IGSF3: variants seen among roughly 807,000 people sequenced by gnomAD.
The protein encoded by IGSF3 is glu-Trp-Ile EWI motif-containing protein 3.
Under a neutral mutation model 114.4 loss-of-function variants are expected in IGSF3, and 23 were observed. That is an observed-to-expected ratio of 0.20 (90% CI 0.14 to 0.28). IGSF3 has a LOEUF of 0.28. Ranked by LOEUF, IGSF3 falls within the 10% of genes least tolerant of loss-of-function variation. The pLI, the probability that IGSF3 is intolerant of heterozygous loss-of-function variation, is 1.00. For missense variants in IGSF3, 1,172 were observed against 1,591.5 expected (o/e 0.74, Z 4.48); for synonymous variants, 571 against 645.2 (o/e 0.88, Z 1.74).
rs1387436601 is a variant in IGSF3, at chr1:116,657,231, G to A, written c.43+9053C>T. 4.6e-5 allele frequency among the ~76,000 whole-genome samples: 7 copies of A among 152,180 alleles called. No individual in the cohort carries two copies. The highest frequency in any genetic ancestry group is 8.8e-5 in the Non-Finnish European group (6 of 68,024). On this transcript the variant is annotated intron_variant, in intron 2 of 10. Transcript: ENST00000369486. This position sits in a 1 kb window ranked among gnomAD's most constrained non-coding sequence, Gnocchi z 4.2. ...ATCTGACCCACAGCAAATGATGGCT[G>A]CTCAACTCTGCATCTCCTTTCCTCT...
At chr1:116,639,384 T>C (rs1357046227) in intron 2 of IGSF3, among the ~76,000 whole-genome samples, 5 of 152,236 alleles carry the variant, frequency 3.3e-5, no homozygotes, top group African/African-American at 4.8e-5. Flanking sequence ...TAAATTCTAC[T>C]GTGCCTTTGC....
At chr1:116,591,589 T>C (rs1660113810) in intron 7 of IGSF3, among the ~76,000 whole-genome samples, 1 of 152,222 alleles carries the variant, frequency 6.6e-6, no homozygotes, top group Non-Finnish European at 1.5e-5. Context: ...TGTGAAGTGT[T>C]GAGAAGCTTG....
At position 116,582,586 on chromosome 1, in the gene IGSF3, G is replaced by A. The variant is rs1013123024; in HGVS notation, c.2848+2059C>T. 6.6e-6 allele frequency among the ~76,000 whole-genome samples: 1 copy of A among 152,136 alleles called. No individual in the cohort carries two copies. Among genetic ancestry groups the A allele is most frequent in the Non-Finnish European group, 1.5e-5 (1 of 68,046 alleles). On this transcript the variant is annotated intron_variant, in intron 9 of 10. Coordinates refer to ENST00000369486, the MANE Select transcript of IGSF3 (RefSeq NM_001007237.3). The surrounding 1 kb of genome is among the most constrained non-coding windows in gnomAD (Gnocchi z 4.7). ...ATTTCAAGTCTTCCATGTGTTTAAC[G>A]TATCCCTCCGAAAAAAATCTTTGAA... is the stretch of plus-strand genomic sequence containing the variant.
At chr1:116,621,466 C>T (rs1571166454) in intron 2 of IGSF3, among the ~76,000 whole-genome samples, 2 of 152,268 alleles carry the variant, frequency 1.3e-5, no homozygotes, top group African/African-American at 4.8e-5. Flanking sequence ...CTGCCCCTTT[C>T]CCCCCAACAA....
chr1:116,631,317 CAAAAAAA>C (rs939848949), intron 2 of IGSF3, among the ~76,000 whole-genome samples: 2 of 46,090 alleles, frequency 4.3e-5, no homozygotes, highest in Admixed American at 2.2e-4. Flanking sequence ...GACGCTGTCT[CAAAAAAA>C]AAAAAAAAAA....
In IGSF3 at chr1:116,666,884, A is replaced by G. The variant is rs1649355264; in HGVS notation, c.-558T>C. ...AGGTCACGGAGGCGCCACCTGCCCC[A>G]CGCCTGCCTAGGGCACACGAAGCAA... On this transcript the variant is annotated 5_prime_UTR_variant, in exon 2 of 11. Transcript: ENST00000369486. The G allele has an allele frequency of 4.9e-6, 2 of 405,904 alleles. No homozygotes were observed. The highest frequency in any genetic ancestry group is 8.7e-6 in the Non-Finnish European group (2 of 230,348). 25.1% of individuals were successfully genotyped at this position (405,904 alleles called of 1,614,324 possible). A position where few individuals can be genotyped will look rare whatever the true frequency, so the allele number is the denominator to read the frequency against.
Position 116,666,481 on chromosome 1 carries a change from AG to A in IGSF3, c.-156del. 1 of 721,456 alleles carries A rather than the reference AG, an allele frequency of 1.4e-6. No individual in the cohort carries two copies. Among genetic ancestry groups the A allele is most frequent in the South Asian group, 1.7e-5 (1 of 58,982 alleles). The allele number at this position is 721,456 out of a possible 1,614,324, so 44.7% of individuals were successfully genotyped here. ...AACAGATTAAAAAGAAGAGATCAGA[AG>A]GAGGGAGTTGGGGGGAAGGGGAGGA... On this transcript the variant is annotated 5_prime_UTR_variant, in exon 2 of 11. Transcript: ENST00000369486.
At position 116,588,203 on chromosome 1, in the gene IGSF3, G is replaced by A. The variant is rs1317900880; in HGVS notation, c.2440+491C>T. Among the ~76,000 whole-genome samples, 1 of 152,164 alleles carries A rather than the reference G, an allele frequency of 6.6e-6. No homozygotes were observed. The highest frequency in any genetic ancestry group is 1.5e-5 in the Non-Finnish European group (1 of 68,030). ...GGCTACACCATGGGATCAAGGAAGG[G>A]CCAGAGGAGGAATGATTCAGTTTGG... On this transcript the variant is annotated intron_variant, in intron 8 of 10. Transcript: ENST00000369486. The surrounding 1 kb of genome is among the most constrained non-coding windows in gnomAD (Gnocchi z 4.9).
chr1:116,631,970 A>G (rs1445320574), intron 2 of IGSF3, among the ~76,000 whole-genome samples: 1 of 152,204 alleles, frequency 6.6e-6, no homozygotes, highest in Non-Finnish European at 1.5e-5. Context: ...TGCAGACCCT[A>G]TAACTCCCAA....
intron 2 of IGSF3, among the ~76,000 whole-genome samples, chr1:116,641,221 G>C (rs1228650048): frequency 6.6e-6 from 1 of 152,074 alleles, no homozygotes; most frequent in African/African-American, 2.4e-5. Flanking sequence ...AGAAGAACGG[G>C]GCGTGGTGGC....
chr1:116,609,068 A>G lies in IGSF3; in HGVS notation c.833-737T>C, dbSNP rs528423223. 8.6e-5 allele frequency among the ~76,000 whole-genome samples: 13 copies of G among 151,894 alleles called. No individual in the cohort carries two copies. In the South Asian group the frequency reaches 2.3e-3, roughly 27 times the overall value. ...GTAGGAAAGTACCTACTTTAGTGGG[A>G]AAGTACCTACTAAGTACTCACGCCT... On this transcript the variant is annotated intron_variant, in intron 4 of 10. Transcript: ENST00000369486.
chr1:116,646,347 G>T (rs559859776), intron 2 of IGSF3, among the ~76,000 whole-genome samples: 1 of 152,100 alleles, frequency 6.6e-6, no homozygotes, highest in Non-Finnish European at 1.5e-5. Flanking sequence ...GAATTGGGGG[G>T]GGTCCACACA....
chr1:116,586,287 C>G (rs1028153494), intron 8 of IGSF3, among the ~76,000 whole-genome samples: 1 of 152,116 alleles, frequency 6.6e-6, no homozygotes, highest in Non-Finnish European at 1.5e-5. Context: ...TTTCTCCCTC[C>G]CCATCCAAAA....
At chr1:116,591,850 G>C (rs531544262) in intron 7 of IGSF3, among the ~76,000 whole-genome samples, 3,872 of 152,268 alleles carry the variant, frequency 0.025, 141 homozygotes, top group African/African-American at 0.088. Context: ...CCCACTTAGA[G>C]ACCACAGGTG....
At chr1:116,637,197 G>A (rs1376023072) in intron 2 of IGSF3, among the ~76,000 whole-genome samples, 5 of 152,162 alleles carry the variant, frequency 3.3e-5, no homozygotes, top group East Asian at 1.9e-4. Flanking sequence ...GACATCCTGC[G>A]TGCAGATAGA....
At chr1:116,660,453 AC>A (rs1160908975) in intron 2 of IGSF3, among the ~76,000 whole-genome samples, 1 of 148,792 alleles carries the variant, frequency 6.7e-6, no homozygotes, top group Non-Finnish European at 1.5e-5. Flanking sequence ...GCAGTGAGCC[AC>A]CACACCTGGC....
rs1210384707 is a variant in IGSF3, at chr1:116,642,609, T to C, written c.43+23675A>G. On this transcript the variant is annotated intron_variant, in intron 2 of 10. Transcript: ENST00000369486. The surrounding 1 kb of genome is among the most constrained non-coding windows in gnomAD (Gnocchi z 5.4). ...AGATTGGTTCAACAGGGTAACCAAA[T>C]GTGAAAAAGAAAAGCCTCACAAGAA... Among the ~76,000 whole-genome samples the C allele has an allele frequency of 2.0e-5, 3 of 152,220 alleles. No homozygotes were observed. Among genetic ancestry groups the C allele is most frequent in the African/African-American group, 7.2e-5 (3 of 41,462 alleles).
chr1:116,606,630 T>C, intron 5 of IGSF3: 1 of 707,466 alleles, frequency 1.4e-6, no homozygotes. Context: ...GTACAAAAAA[T>C]ATAGGAAGTA....
intron 7 of IGSF3, among the ~76,000 whole-genome samples, chr1:116,590,371 G>GAAA (rs1332127076): frequency 7.4e-6 from 1 of 134,256 alleles, no homozygotes; most frequent in Non-Finnish European, 1.6e-5. Context: ...TACTAAAAAT[G>GAAA]AAAAAAAAAA....
Sources: gnomAD v4.1 joint callset for allele counts (sites outside exome capture counted in the v4.1 genomes callset) on GRCh38, gnomAD v4.1.1 for gene constraint, Gnocchi (gnomAD v3.1) non-coding constraint, MANE v1.5 for transcripts, NCBI Gene and HGNC (gene_info 2026-07-23, HGNC 2026-07-21) for gene names.